PTPRK: variants seen among roughly 807,000 people sequenced by gnomAD.
PTPRK encodes receptor-type tyrosine-protein phosphatase kappa.
Under a neutral mutation model 178.0 loss-of-function variants are expected in PTPRK, and 75 were observed. That is an observed-to-expected ratio of 0.42 (90% CI 0.35 to 0.51). The LOEUF is 0.51. PTPRK is among the 20% of genes least tolerant of loss of function. PTPRK has a pLI of 0.02. For synonymous variants in PTPRK, 637 were observed against 620.6 expected (o/e 1.03, Z -0.39); for missense variants, 1,441 against 1,797.8 (o/e 0.80, Z 3.59).
At chr6:127,996,770 T>A (rs1288045000) in intron 17 of PTPRK, 131 bp downstream of exon 17, 1 of 1,211,246 alleles carries the variant, frequency 8.3e-7, no homozygotes, top group Non-Finnish European at 1.1e-6. Context: ...CAAGCCTGAT[T>A]GTAAATGCTG....
rs1475920176 is a variant in PTPRK, at chr6:127,991,329, T to G, written c.2944A>C (p.Ile982Leu). ...RMIWQEQSAC[I>L]VMVTNLVEVG... is the part of the protein sequence containing the mutation. ...TCAACTAAATTTGTAACCATCACAA[T>G]GCAAGCAGATTGTTCTTGCCAAATC... The change falls in exon 20 of 30, where the codon ATT (isoleucine) becomes CTT (leucine). Residue 982 changes from isoleucine to leucine, a missense_variant. Ile to Leu is a conservative substitution (Grantham distance 5). This residue lies in a region of PTPRK where 945 missense variants were observed against 1,080.6 expected (regional missense o/e 0.87). Transcript: ENST00000368226. 1.0e-5 allele frequency: 16 copies of G among 1,601,834 alleles called. No individual in the cohort carries two copies. Among genetic ancestry groups the G allele is most frequent in the Non-Finnish European group, 1.4e-5 (16 of 1,174,372 alleles).
At chr6:128,265,753 T>C (rs1452870623) in intron 3 of PTPRK, among the ~76,000 whole-genome samples, 1 of 152,186 alleles carries the variant, frequency 6.6e-6, no homozygotes, top group Non-Finnish European at 1.5e-5. Flanking sequence ...TACTTCTTAG[T>C]GTATTTTAGA....
rs772079987 is a variant in PTPRK, at chr6:128,082,538, A to T, written c.1676T>A (p.Met559Lys). ...NLWNSTHHVFMHLHPGTTYQF... is the reference protein window; with the variant it reads ...NLWNSTHHVFKHLHPGTTYQF... ...GTACGTGGTTCCAGGGTGGAGATGC[A>T]TAAAGACATGGTGTGTACTGTTCCA... Residue 559 changes from methionine to lysine, a missense_variant, in exon 10 of 30, where the codon ATG (methionine) becomes AAG (lysine). Met to Lys is a moderately conservative substitution (Grantham distance 95). Transcript: ENST00000368226. 14 of 1,612,850 alleles carry T rather than the reference A, an allele frequency of 8.7e-6. No homozygotes were observed. The highest frequency in any genetic ancestry group is 1.2e-5 in the Non-Finnish European group (14 of 1,179,068).
chr6:128,079,342 T>C (rs756974521), intron 10 of PTPRK, among the ~76,000 whole-genome samples: 2 of 151,922 alleles, frequency 1.3e-5, no homozygotes, highest in Non-Finnish European at 2.9e-5. Flanking sequence ...GGTGAAACAG[T>C]GTCGTTTATG....
At chr6:128,057,979 T>C (rs1171964996) in intron 13 of PTPRK, among the ~76,000 whole-genome samples, 3 of 152,226 alleles carry the variant, frequency 2.0e-5, no homozygotes, top group South Asian at 2.1e-4. Context: ...GTTATACTTA[T>C]GTATATTATT....
Position 128,064,881 on chromosome 6 carries a change from C to T in PTPRK, c.2158-87G>A, listed in dbSNP as rs1230542828. ...AACTATAATTATTATGAAGATCCAT[C>T]TGGGGTCATAAAAAGGGATTATAAA... On this transcript the variant is annotated intron_variant, in intron 12 of 29. Coordinates refer to ENST00000368226, the MANE Select transcript of PTPRK (RefSeq NM_002844.4). The T allele has an allele frequency of 1.6e-5, 22 of 1,373,514 alleles. 1 individual carries two copies. The highest frequency in any genetic ancestry group is 1.9e-4 in the Middle Eastern group (1 of 5,202). 85.1% of individuals were successfully genotyped at this position (1,373,514 alleles called of 1,614,324 possible). A position where few individuals can be genotyped will look rare whatever the true frequency, so the allele number is the denominator to read the frequency against.
chr6:128,079,029 C>T, intron 10 of PTPRK, 111 bp from the exon 11 acceptor site: 2 of 599,664 alleles, frequency 3.3e-6, no homozygotes, highest in Non-Finnish European at 5.8e-6. Context: ...ACCTAATTAT[C>T]TACAACGTAT....
intron 2 of PTPRK, among the ~76,000 whole-genome samples, chr6:128,323,497 G>A (rs942149883): frequency 6.6e-6 from 1 of 152,042 alleles, no homozygotes; most frequent in African/African-American, 2.4e-5. Flanking sequence ...CTGACAACAT[G>A]TAAAAGTAAT....
At chr6:128,046,280 T>C (rs1242263425) in intron 13 of PTPRK, among the ~76,000 whole-genome samples, 5 of 152,192 alleles carry the variant, frequency 3.3e-5, no homozygotes, top group Admixed American at 2.0e-4. Flanking sequence ...AACTTGTGCA[T>C]AGATCCAACA....
At chr6:128,191,825 C>T (rs1052924121) in intron 6 of PTPRK, among the ~76,000 whole-genome samples, 9 of 152,096 alleles carry the variant, frequency 5.9e-5, no homozygotes, top group African/African-American at 1.4e-4. Context: ...AAATTTACCA[C>T]GTATCCCTAC....
chr6:128,466,694 C>T (rs1849887106), intron 1 of PTPRK, among the ~76,000 whole-genome samples: 1 of 151,974 alleles, frequency 6.6e-6, no homozygotes, highest in African/African-American at 2.4e-5. Flanking sequence ...CAATGTTGCA[C>T]ACAATATACA....
intron 6 of PTPRK, among the ~76,000 whole-genome samples, chr6:128,204,341 A>C (rs2128260304): frequency 6.6e-6 from 1 of 152,312 alleles, no homozygotes; most frequent in Admixed American, 6.5e-5. Context: ...TCTAGGCAAT[A>C]CCATTCAGGA....
At chr6:128,359,297 T>C (rs1053727239) in intron 2 of PTPRK, among the ~76,000 whole-genome samples, 1 of 145,644 alleles carries the variant, frequency 6.9e-6, no homozygotes, top group Non-Finnish European at 1.5e-5. Flanking sequence ...ATTACAGGCG[T>C]GAGCCACCAC....
intron 14 of PTPRK, among the ~76,000 whole-genome samples, chr6:128,007,119 C>G (rs1778524441): frequency 6.6e-6 from 1 of 150,434 alleles, no homozygotes; most frequent in Non-Finnish European, 1.5e-5. Flanking sequence ...TGATAATATC[C>G]AATGCAATGC....
chr6:128,460,281 C>A (rs188092795), intron 1 of PTPRK, among the ~76,000 whole-genome samples: 2 of 151,980 alleles, frequency 1.3e-5, no homozygotes, highest in African/African-American at 4.8e-5. Flanking sequence ...TGGGGACTCA[C>A]ACCTGTAATC....
chr6:128,303,117 T>C (rs180906838), intron 3 of PTPRK, among the ~76,000 whole-genome samples: 1 of 152,304 alleles, frequency 6.6e-6, no homozygotes, highest in Admixed American at 6.5e-5. Context: ...TCTACTCCTA[T>C]CAGTTACATC....
chr6:128,343,920 T>A (rs1348750397), intron 2 of PTPRK, among the ~76,000 whole-genome samples: 1 of 152,176 alleles, frequency 6.6e-6, no homozygotes, highest in Non-Finnish European at 1.5e-5. Flanking sequence ...AACTCTGGGG[T>A]CAGATCAACC....
At chr6:128,052,543 G>A (rs1056044744) in intron 13 of PTPRK, among the ~76,000 whole-genome samples, 9 of 152,238 alleles carry the variant, frequency 5.9e-5, no homozygotes, top group African/African-American at 1.9e-4. Context: ...TATTTTAAAT[G>A]TTTAGATTAA....
At chr6:127,982,081 G>C (rs192338673) in intron 24 of PTPRK, among the ~76,000 whole-genome samples, 204 of 152,202 alleles carry the variant, frequency 1.3e-3, no homozygotes, top group African/African-American at 4.6e-3. Flanking sequence ...CTCAAGATCT[G>C]CCTGCCTTGG....
Sources: allele counts gnomAD v4.1 joint callset (sites outside exome capture counted in the v4.1 genomes callset), GRCh38; gene constraint gnomAD v4.1.1; regional missense constraint gnomAD v4.1.1; transcripts MANE v1.5; gene names NCBI Gene and HGNC (gene_info 2026-07-23, HGNC 2026-07-21).